The following IPPK variants were observed in gnomAD, a reference collection of about 807,000 sequenced individuals.
The protein encoded by IPPK is inositol-pentakisphosphate 2-kinase.
In IPPK, 22 loss-of-function variants were observed where a neutral mutation model predicts 64.6. The observed-to-expected ratio is 0.34, with a 90% CI of 0.24 to 0.49. IPPK has a LOEUF of 0.49. Among genes scored for constraint, IPPK ranks in the 20% least tolerant of loss-of-function variants. The pLI, the probability that IPPK is intolerant of heterozygous loss-of-function variation, is 0.99. For synonymous variants in IPPK, 262 were observed against 247.2 expected, an observed-to-expected ratio of 1.06 and a Z score of -0.56; for missense variants, 532 against 630.7, an observed-to-expected ratio of 0.84 and a Z score of 1.68.
At chr9:92,616,358 G>T (rs1046716593) in intron 12 of IPPK, 3 of 286,118 alleles carry the variant, frequency 1.0e-5, no homozygotes, top group Non-Finnish European at 1.3e-5. Context: ...GGCGAGAGAG[G>T]GTTAAAGGAC....
At chr9:92,666,406 T>C (rs934002467) in intron 1 of IPPK, among the ~76,000 whole-genome samples, 1 of 152,068 alleles carries the variant, frequency 6.6e-6, no homozygotes, top group Non-Finnish European at 1.5e-5. Context: ...CGGCAGTGCA[T>C]AAAGGGGCAA....
In IPPK at chr9:92,658,649, A is replaced by T; in HGVS notation, c.114T>A (p.Pro38=). Residue 38 remains proline, a synonymous_variant, in exon 2 of 13, where the codon CCT becomes CCA. Transcript: ENST00000287996. ...RCVVLRFLKF[P]PNRKKTSEEI... ...CCCATCTTACCTTCTTCCTATTTGG[A>T]GGAAACTTCAGAAACCGCAGCACGA... 1 of 1,614,006 alleles carries T rather than the reference A, an allele frequency of 6.2e-7. No individual in the cohort carries two copies. Among genetic ancestry groups the T allele is most frequent in the Admixed American group, 1.7e-5 (1 of 60,022 alleles).
chr9:92,668,660 A>G (rs1852655529), intron 1 of IPPK, among the ~76,000 whole-genome samples: 1 of 152,238 alleles, frequency 6.6e-6, no homozygotes, highest in Non-Finnish European at 1.5e-5. Flanking sequence ...ACTCACGCAG[A>G]AACATCCCTC....
In IPPK at chr9:92,669,891, G is replaced by A. The variant is rs1185958827; in HGVS notation, c.81+17C>T. 1.9e-6 allele frequency: 3 copies of A among 1,599,348 alleles called. No individual in the cohort carries two copies. The highest frequency in any genetic ancestry group is 2.6e-6 in the Non-Finnish European group (3 of 1,168,794). ...CGGAGTGAGGTACCGGACCTGCGCC[G>A]CACGTCCACCGCTCACCTGCGCGTG... On this transcript the variant is annotated intron_variant, in intron 1 of 12. Transcript: ENST00000287996.
chr9:92,635,341 G>A lies in IPPK; in HGVS notation c.917-33C>T. ...GAACATCAGGGGAAAACGAGAGCAT[G>A]TTGATTATCAAAGAACGTGGAGGGA... On this transcript the variant is annotated intron_variant, in intron 9 of 12. Coordinates refer to ENST00000287996, the MANE Select transcript of IPPK (RefSeq NM_022755.6). The surrounding 1 kb of genome is among the most constrained non-coding windows in gnomAD (Gnocchi z 4.4). 3 of 1,597,644 alleles carry A rather than the reference G, an allele frequency of 1.9e-6. No homozygotes were observed. Among genetic ancestry groups the A allele is most frequent in the Non-Finnish European group, 2.6e-6 (3 of 1,171,676 alleles).
chr9:92,669,868 G>A, intron 1 of IPPK, 40 bp downstream of exon 1: 1 of 1,491,964 alleles, frequency 6.7e-7, no homozygotes, highest in Non-Finnish European at 9.3e-7. Flanking sequence ...CCGGCCGTCG[G>A]AGTGAGGTAC....
intron 1 of IPPK, among the ~76,000 whole-genome samples, chr9:92,668,009 C>CA (rs1271401125): frequency 1.3e-5 from 2 of 152,162 alleles, no homozygotes; most frequent in Non-Finnish European, 2.9e-5. Flanking sequence ...GTGGCTCACG[C>CA]CTGTAATCCC....
At position 92,668,317 on chromosome 9, in the gene IPPK, C is replaced by T. The variant is rs774057550; in HGVS notation, c.81+1591G>A. ...AACAATCATTACAATCAGAGCTGTG[C>T]AACAGGGTAGGGCCAGGCTGCCCTG... On this transcript the variant is annotated intron_variant, in intron 1 of 12. Coordinates refer to ENST00000287996, the MANE Select transcript of IPPK (RefSeq NM_022755.6). 1.0e-3 allele frequency among the ~76,000 whole-genome samples: 154 copies of T among 152,164 alleles called. 1 individual carries two copies. The highest frequency in any genetic ancestry group is 3.4e-3 in the Middle Eastern group (1 of 294).
Position 92,635,396 on chromosome 9 carries a change from A to G in IPPK, c.917-88T>C, listed in dbSNP as rs1460006308. 6 of 1,404,506 alleles carry G rather than the reference A, an allele frequency of 4.3e-6. No individual in the cohort carries two copies. The East Asian group carries it at 1.2e-4, about 28-fold the overall frequency. 87.0% of individuals were successfully genotyped at this position (1,404,506 alleles called of 1,614,324 possible). ...CAGGCCGGCGCAGACCGCAGGGCTCATCCTGGGCTCCGCCATACGGGCATC... is the reference window on the plus strand; with the variant it reads ...CAGGCCGGCGCAGACCGCAGGGCTCGTCCTGGGCTCCGCCATACGGGCATC... On this transcript the variant is annotated intron_variant, in intron 9 of 12. Coordinates refer to ENST00000287996, the MANE Select transcript of IPPK (RefSeq NM_022755.6). The surrounding 1 kb of genome is among the most constrained non-coding windows in gnomAD (Gnocchi z 4.4).
intron 11 of IPPK, among the ~76,000 whole-genome samples, chr9:92,632,639 C>T (rs1851866180): frequency 6.6e-6 from 1 of 152,252 alleles, no homozygotes; most frequent in Admixed American, 6.5e-5. Flanking sequence ...GCAGGTGCCA[C>T]TGCTTTCTTC....
chr9:92,662,115 G>A (rs938166772), intron 1 of IPPK, among the ~76,000 whole-genome samples: 4 of 152,318 alleles, frequency 2.6e-5, no homozygotes, highest in Admixed American at 2.6e-4. Flanking sequence ...GCTCCTGCCA[G>A]CTCACCAGGT....
At position 92,634,532 on chromosome 9, in the gene IPPK, G is replaced by A. The variant is rs549503601; in HGVS notation, c.1068-44C>T. The stretch of plus-strand genomic sequence containing the variant: ...TAAAAACAGGATGACAAAGCCGCAC[G>A]GAGGTTGTTTCTTAAACTGCTAACA... On this transcript the variant is annotated intron_variant, in intron 10 of 12. Coordinates refer to ENST00000287996, the MANE Select transcript of IPPK (RefSeq NM_022755.6). The A allele has an allele frequency of 4.1e-4, 579 of 1,420,582 alleles. 7 individuals are homozygous for A. In the Middle Eastern group the frequency reaches 0.011, roughly 28 times the overall value. The allele number at this position is 1,420,582 out of a possible 1,614,324, so 88.0% of individuals were successfully genotyped here. A position where few individuals can be genotyped will look rare whatever the true frequency, so the allele number is the denominator to read the frequency against.
chr9:92,635,773 G>A lies in IPPK; in HGVS notation c.917-465C>T, dbSNP rs1168977112. Among the ~76,000 whole-genome samples, 3 of 151,380 alleles carry A rather than the reference G, an allele frequency of 2.0e-5. No individual in the cohort carries two copies. The highest frequency in any genetic ancestry group is 1.3e-4 in the Admixed American group (2 of 15,206). On this transcript the variant is annotated intron_variant, in intron 9 of 12. Coordinates refer to ENST00000287996, the MANE Select transcript of IPPK (RefSeq NM_022755.6). The surrounding 1 kb of genome is among the most constrained non-coding windows in gnomAD (Gnocchi z 4.4). Reference sequence around the variant, plus strand: ...GTGGCCCAGCCTGGAGTGCAGTGGCGTGATCTCGACTCATTGCAACTGCAA... The same window carrying A: ...GTGGCCCAGCCTGGAGTGCAGTGGCATGATCTCGACTCATTGCAACTGCAA...
chr9:92,634,376 G>T lies in IPPK; in HGVS notation c.1170+10C>A, dbSNP rs764304147. 3 of 1,602,558 alleles carry T rather than the reference G, an allele frequency of 1.9e-6. No homozygotes were observed. Among genetic ancestry groups the T allele is most frequent in the South Asian group, 1.1e-5 (1 of 90,800 alleles). On this transcript the variant is annotated intron_variant, in intron 11 of 12. Coordinates refer to ENST00000287996, the MANE Select transcript of IPPK (RefSeq NM_022755.6). Reference sequence around the variant, plus strand: ...GATCACACAGCAAGTTTTTGGATGGGTCTGCCCACCTTCGTTAGCGCGAAG... The same window carrying T: ...GATCACACAGCAAGTTTTTGGATGGTTCTGCCCACCTTCGTTAGCGCGAAG...
chr9:92,650,025 CAAA>C (rs976792024), intron 4 of IPPK, among the ~76,000 whole-genome samples: 5 of 68,672 alleles, frequency 7.3e-5, no homozygotes, highest in Non-Finnish European at 5.7e-5. Context: ...GACTCTGTCT[CAAA>C]AAAAAAAAAA....
chr9:92,634,446 G>A lies in IPPK; in HGVS notation c.1110C>T (p.Tyr370=). 6.2e-7 allele frequency: 1 copy of A among 1,614,132 alleles called. No individual in the cohort carries two copies. Among genetic ancestry groups the A allele is most frequent in the African/African-American group, 1.3e-5 (1 of 75,064 alleles). The change falls in exon 11 of 13, where the codon TAC becomes TAT. Residue 370 remains tyrosine, a synonymous_variant. Transcript: ENST00000287996. ...QIDGPYDEAF[Y]QKLLDLSTED... is the part of the protein sequence containing the mutation. The stretch of plus-strand genomic sequence containing the variant: ...CAGTGGAAAGGTCAAGCAGCTTCTG[G>A]TAAAATGCTTCATCATAAGGCCCAT...
At chr9:92,621,197 G>A (rs1851616030) in intron 11 of IPPK, among the ~76,000 whole-genome samples, 2 of 108,774 alleles carry the variant, frequency 1.8e-5, no homozygotes, top group Admixed American at 1.3e-4. Context: ...TGGGAGTTGG[G>A]ATTTCAACAT....
At chr9:92,655,102 G>C (rs956850039) in intron 3 of IPPK, among the ~76,000 whole-genome samples, 1 of 152,238 alleles carries the variant, frequency 6.6e-6, no homozygotes, top group Non-Finnish European at 1.5e-5. Flanking sequence ...CCACCGGGCA[G>C]GGCTGGGAGC....
chr9:92,661,677 G>A (rs1282886031), intron 1 of IPPK, among the ~76,000 whole-genome samples: 1 of 152,218 alleles, frequency 6.6e-6, no homozygotes, highest in Non-Finnish European at 1.5e-5. Flanking sequence ...CATTTCAAGG[G>A]AAACTGCTTT....
Sources: gnomAD v4.1 joint callset for allele counts (sites outside exome capture counted in the v4.1 genomes callset) on GRCh38, gnomAD v4.1.1 for gene constraint, Gnocchi (gnomAD v3.1) non-coding constraint, MANE v1.5 for transcripts, NCBI Gene and HGNC (gene_info 2026-07-23, HGNC 2026-07-21) for gene names.